Variants in LINGO2 observed in about 807,000 individuals in gnomAD.
The protein encoded by LINGO2 is leucine-rich repeat and immunoglobulin-like domain-containing nogo receptor-interacting protein 2.
In LINGO2, 14 loss-of-function variants were observed where a neutral mutation model predicts 30.6. The observed-to-expected ratio is 0.46, with a 90% CI of 0.30 to 0.72. LINGO2 has a LOEUF of 0.72. LINGO2 is among the 30% of genes least tolerant of loss of function. LINGO2 has a pLI of 0.07. For missense variants in LINGO2, 729 were observed against 751.7 expected (o/e 0.97, Z 0.35); for synonymous variants, 317 against 288.5 (o/e 1.10, Z -1.00).
chr9:28,996,432 G>A, the LINGO2 span, among the ~76,000 whole-genome samples: 1 of 152,092 alleles, frequency 6.6e-6, no homozygotes, highest in Non-Finnish European at 1.5e-5. Context: ...TTTTCTAGGT[G>A]GGAATATGGC....
the LINGO2 span, among the ~76,000 whole-genome samples, chr9:29,046,599 T>C: frequency 6.6e-6 from 1 of 151,922 alleles, no homozygotes; most frequent in Non-Finnish European, 1.5e-5. Context: ...CAACTCAAAA[T>C]TGATTAAAAA....
chr9:27,998,615 C>T (rs1405889631), intron 5 of LINGO2, among the ~76,000 whole-genome samples: 4 of 152,124 alleles, frequency 2.6e-5, no homozygotes, highest in African/African-American at 7.2e-5. Flanking sequence ...CCCGTTTCTA[C>T]TAAAAATGAA....
intron 1 of LINGO2, among the ~76,000 whole-genome samples, chr9:28,627,122 T>C (rs1192237987): frequency 6.6e-6 from 1 of 152,050 alleles, no homozygotes. Context: ...TTTTATCTTT[T>C]CAAGGCTGAC....
intron 3 of LINGO2, among the ~76,000 whole-genome samples, chr9:28,317,710 A>T (rs965014477): frequency 6.6e-6 from 1 of 152,180 alleles, no homozygotes; most frequent in Non-Finnish European, 1.5e-5. Context: ...GTTCACATAA[A>T]AGTGGGTTGA....
chr9:28,703,404 C>G, the LINGO2 span, among the ~76,000 whole-genome samples: 1 of 151,570 alleles, frequency 6.6e-6, no homozygotes, highest in Admixed American at 6.6e-5. Flanking sequence ...GTTGTTTATT[C>G]TCCATTGGCA....
chr9:29,089,959 G>T, the LINGO2 span, among the ~76,000 whole-genome samples: 15 of 151,864 alleles, frequency 9.9e-5, no homozygotes, highest in African/African-American at 3.4e-4. Flanking sequence ...CTTGATATTT[G>T]TTGAATAAAT....
At chr9:28,076,681 A>C (rs1248540250) in intron 4 of LINGO2, among the ~76,000 whole-genome samples, 1 of 152,120 alleles carries the variant, frequency 6.6e-6, no homozygotes, top group African/African-American at 2.4e-5. Flanking sequence ...AAAATTCTGG[A>C]ATGGAATTTA....
intron 4 of LINGO2, among the ~76,000 whole-genome samples, chr9:28,216,034 T>C (rs978699764): frequency 2.0e-5 from 3 of 151,858 alleles, no homozygotes; most frequent in African/African-American, 7.2e-5. Flanking sequence ...ACTTCTGCAA[T>C]TGACATTACC....
intron 4 of LINGO2, among the ~76,000 whole-genome samples, chr9:28,193,305 C>A (rs74935557): frequency 0.082 from 12,403 of 152,098 alleles, 679 homozygotes; most frequent in East Asian, 0.2. Flanking sequence ...AAGTAAGATT[C>A]ATTAGAAATT....
chr9:28,092,978 C>G (rs1239173912), intron 4 of LINGO2, among the ~76,000 whole-genome samples: 4 of 151,980 alleles, frequency 2.6e-5, no homozygotes, highest in Non-Finnish European at 5.9e-5. Context: ...ATCACCATTT[C>G]CATTTTATGG....
In LINGO2 at chr9:28,021,026, C is replaced by T. The variant is rs113936099; in HGVS notation, c.-86-8621G>A. On this transcript the variant is annotated intron_variant, in intron 4 of 5. Transcript: ENST00000379992. Reference sequence around the variant, plus strand: ...TTCTTTTCTTTGTTTTCTTTCTTTCCATTGCATTGATTTTTGCTCAATTTT... The same window carrying T: ...TTCTTTTCTTTGTTTTCTTTCTTTCTATTGCATTGATTTTTGCTCAATTTT... Among the ~76,000 whole-genome samples the T allele has an allele frequency of 5.5e-4, 84 of 151,980 alleles. 1 individual carries two copies. The highest frequency in any genetic ancestry group is 1.9e-3 in the African/African-American group (79 of 41,490).
At chr9:28,539,407 A>C (rs1360753828) in intron 1 of LINGO2, among the ~76,000 whole-genome samples, 1 of 152,182 alleles carries the variant, frequency 6.6e-6, no homozygotes. Context: ...AATTCTCTTC[A>C]TATATAATTA....
chr9:27,995,508 C>G (rs1821616763), intron 5 of LINGO2, among the ~76,000 whole-genome samples: 1 of 152,044 alleles, frequency 6.6e-6, no homozygotes, highest in Non-Finnish European at 1.5e-5. Context: ...CCAAATTGAA[C>G]AACACATTAA....
At chr9:28,965,252 C>T in the LINGO2 span, among the ~76,000 whole-genome samples, 6 of 151,930 alleles carry the variant, frequency 3.9e-5, no homozygotes, top group Non-Finnish European at 8.8e-5. Flanking sequence ...GAACTATTTA[C>T]ATAAAAGCAT....
At position 28,561,197 on chromosome 9, in the gene LINGO2, C is replaced by T. The variant is rs186014947; in HGVS notation, c.-364-85172G>A. 2.6e-3 allele frequency among the ~76,000 whole-genome samples: 395 copies of T among 152,044 alleles called. 4 individuals are homozygous for T. The highest frequency in any genetic ancestry group is 9.0e-3 in the African/African-American group (375 of 41,504). On this transcript the variant is annotated intron_variant, in intron 1 of 5. Coordinates refer to ENST00000379992, the Ensembl canonical transcript of LINGO2. The stretch of plus-strand genomic sequence containing the variant: ...TTACCATATGCACTCTGCCACACTC[C>T]TTATTTCCCAGGCTCCCTTTAGAAT...
At chr9:28,969,011 T>C in the LINGO2 span, among the ~76,000 whole-genome samples, 4 of 152,300 alleles carry the variant, frequency 2.6e-5, no homozygotes, top group East Asian at 7.7e-4. Context: ...TAGTGATGCC[T>C]TCATTCAATC....
intron 2 of LINGO2, among the ~76,000 whole-genome samples, chr9:28,424,971 C>T (rs887536386): frequency 1.2e-4 from 18 of 151,842 alleles, no homozygotes; most frequent in Admixed American, 9.2e-4. Context: ...ATAGTAATAC[C>T]TGCCTTATAA....
chr9:28,302,108 A>G (rs1287408547), intron 3 of LINGO2, among the ~76,000 whole-genome samples: 1 of 152,210 alleles, frequency 6.6e-6, no homozygotes, highest in East Asian at 1.9e-4. Context: ...GACCTCTAGC[A>G]GCTAATATAA....
intron 4 of LINGO2, among the ~76,000 whole-genome samples, chr9:28,052,223 C>A (rs967588317): frequency 6.6e-6 from 1 of 152,072 alleles, no homozygotes; most frequent in Admixed American, 6.6e-5. Flanking sequence ...GCAACTTGAT[C>A]TTTGACAAAG....
Sources: gnomAD v4.1 joint callset for allele counts (sites outside exome capture counted in the v4.1 genomes callset) on GRCh38, gnomAD v4.1.1 for gene constraint, MANE v1.5 for transcripts, NCBI Gene and HGNC (gene_info 2026-07-23, HGNC 2026-07-21) for gene names.